Variants in C1GALT1 observed in about 807,000 individuals in gnomAD.
C1GALT1 encodes core 1 synthase, glycoprotein-N-acetylgalactosamine 3-beta-galactosyltransferase 1, also known as glycoprotein-N-acetylgalactosamine 3-beta-galactosyltransferase 1.
A neutral mutation model predicts 31.0 loss-of-function variants in C1GALT1; 11 were observed. That is an observed-to-expected ratio of 0.36 (90% CI 0.22 to 0.59). The LOEUF (loss-of-function observed/expected upper bound fraction) is 0.59, where lower values mean the gene tolerates loss of function less well. Ranked by LOEUF, C1GALT1 falls within the 20% of genes least tolerant of loss-of-function variation. The probability of loss-of-function intolerance (pLI) is 0.79; values close to 1 mark genes in which losing one functional copy is unlikely to be tolerated. For missense variants in C1GALT1, 424 were observed against 425.2 expected, an observed-to-expected ratio of 1.00 and a Z score of 0.03; for synonymous variants, 175 against 143.6, an observed-to-expected ratio of 1.22 and a Z score of -1.56.
At chr7:7,176,498 C>T (rs923647796) in intron 2 of C1GALT1, among the ~76,000 whole-genome samples, 1 of 152,134 alleles carries the variant, frequency 6.6e-6, no homozygotes, top group Non-Finnish European at 1.5e-5. Flanking sequence ...GATTCTTATT[C>T]CAGGGAACTA....
chr7:7,240,588 A>G lies in C1GALT1; in HGVS notation c.888+1666A>G, dbSNP rs186137006. Among the ~76,000 whole-genome samples, 208 of 152,334 alleles carry G rather than the reference A, an allele frequency of 1.4e-3. 1 individual carries two copies. The highest frequency in any genetic ancestry group is 3.5e-3 in the African/African-American group (146 of 41,584). On this transcript the variant is annotated intron_variant, in intron 3 of 3. Coordinates refer to ENST00000436587, the MANE Select transcript of C1GALT1 (RefSeq NM_020156.5). ...ATGTAGCAAATACATCCAAATGCAT[A>G]TAAGATCTTACTAAGAGTATCTGAT... is the stretch of plus-strand genomic sequence containing the variant.
At chr7:7,196,483 T>C (rs895794463) in intron 1 of C1GALT1, among the ~76,000 whole-genome samples, 25 of 152,202 alleles carry the variant, frequency 1.6e-4, no homozygotes, top group Non-Finnish European at 3.4e-4. Flanking sequence ...TTTGGGTTGG[T>C]TCCAAGTCTT....
At chr7:7,189,805 A>G (rs548897812) in intron 1 of C1GALT1, among the ~76,000 whole-genome samples, 1 of 152,128 alleles carries the variant, frequency 6.6e-6, no homozygotes, top group Non-Finnish European at 1.5e-5. Flanking sequence ...TTTTGTTTTA[A>G]TTCCATTTTC....
intron 1 of C1GALT1, among the ~76,000 whole-genome samples, chr7:7,188,058 T>C (rs1318638813): frequency 6.6e-6 from 1 of 152,102 alleles, no homozygotes; most frequent in Non-Finnish European, 1.5e-5. Flanking sequence ...AGGTTAGATA[T>C]TGTAATAGCC....
At chr7:7,202,713 TA>T (rs1318986912) in intron 1 of C1GALT1, among the ~76,000 whole-genome samples, 2 of 152,206 alleles carry the variant, frequency 1.3e-5, no homozygotes, top group African/African-American at 4.8e-5. Context: ...CAGGGTCCCT[TA>T]ATATTCCATA....
chr7:7,182,450 AATCCCCGCTTCCTCACGTCGCCGT>A (rs1661347596), upstream of C1GALT1: 1 of 152,206 alleles, frequency 6.6e-6, no homozygotes, highest in East Asian at 1.9e-4. Context: ...CCCGGCAGCC[AATCCCCGCTTCCTCACGTCGCCGT>A]ATCCCCGCCC....
intron 1 of C1GALT1, among the ~76,000 whole-genome samples, chr7:7,225,378 C>G (rs1353565843): frequency 6.6e-6 from 1 of 152,084 alleles, no homozygotes; most frequent in African/African-American, 2.4e-5. Context: ...TTGCTTTTCC[C>G]AGTATATAGC....
At chr7:7,169,430 C>T (rs1298120151) in intron 2 of C1GALT1, among the ~76,000 whole-genome samples, 3 of 152,182 alleles carry the variant, frequency 2.0e-5, no homozygotes, top group African/African-American at 7.2e-5. Context: ...GAAAAACTGC[C>T]ATGCTGGTTT....
intron 1 of C1GALT1, among the ~76,000 whole-genome samples, chr7:7,232,854 C>T (rs73045769): frequency 0.072 from 11,025 of 152,118 alleles, 586 homozygotes; most frequent in East Asian, 0.17. Flanking sequence ...TTGTGTCAGC[C>T]TATATGAATT....
intron 3 of C1GALT1, among the ~76,000 whole-genome samples, chr7:7,242,453 T>A (rs1290634430): frequency 6.6e-6 from 1 of 152,086 alleles, no homozygotes; most frequent in Non-Finnish European, 1.5e-5. Context: ...TGATAATTTT[T>A]ACACACTGTA....
intron 1 of C1GALT1, chr7:7,183,655 G>A: frequency 1.1e-6 from 1 of 942,394 alleles, no homozygotes; most frequent in Non-Finnish European, 1.3e-6. Context: ...TTCTTTCCTG[G>A]TCCTTACCGT....
At chr7:7,232,038 C>G (rs771049502) in intron 1 of C1GALT1, among the ~76,000 whole-genome samples, 4 of 152,136 alleles carry the variant, frequency 2.6e-5, no homozygotes, top group Admixed American at 6.5e-5. Flanking sequence ...AGACTTTGGA[C>G]ATTAATTTTT....
rs561836706 is a variant in C1GALT1, at chr7:7,239,048, TAG to T, written c.888+129_888+130del. On this transcript the variant is annotated intron_variant, in intron 3 of 3. Coordinates refer to ENST00000436587, the MANE Select transcript of C1GALT1 (RefSeq NM_020156.5). ...AGGACTCTTCCTTAGTCTTTTTAAA[TAG>T]AGTGGCAGTATAACAAAATAGATGA... The T allele has an allele frequency of 3.2e-4, 244 of 761,208 alleles. No homozygotes were observed. The African/African-American group carries it at 3.9e-3, about 12-fold the overall frequency. The allele number at this position is 761,208 out of a possible 1,614,324, so 47.2% of individuals were successfully genotyped here.
At chr7:7,220,802 G>A (rs578144014) in intron 1 of C1GALT1, among the ~76,000 whole-genome samples, 138 of 152,264 alleles carry the variant, frequency 9.1e-4, no homozygotes, top group African/African-American at 3.2e-3. Flanking sequence ...TTACAGGTGC[G>A]CCCAGCCCAA....
chr7:7,213,144 A>G (rs13246962), intron 1 of C1GALT1, among the ~76,000 whole-genome samples: 24,230 of 152,196 alleles, frequency 0.16, 2,185 homozygotes, highest in Middle Eastern at 0.29. Context: ...TAGGAGTCCC[A>G]TATCTTCTTT....
intron 1 of C1GALT1, among the ~76,000 whole-genome samples, chr7:7,205,443 G>A (rs1781699140): frequency 6.6e-6 from 1 of 151,738 alleles, no homozygotes; most frequent in African/African-American, 2.4e-5. Flanking sequence ...TTTATTTACA[G>A]TTCATTAAGT....
chr7:7,194,856 C>G (rs1364300996), intron 1 of C1GALT1, among the ~76,000 whole-genome samples: 2 of 151,868 alleles, frequency 1.3e-5, no homozygotes, highest in Non-Finnish European at 2.9e-5. Flanking sequence ...TTGCTGCTTG[C>G]TGTTGGTCTG....
rs1780640493 is a variant in C1GALT1, at chr7:7,182,785, CCAGGAGGGGCGAGAGGGAGCCGCAGCT to C, written c.-52_-26del. On this transcript the variant is annotated 5_prime_UTR_variant, in exon 1 of 4. Coordinates refer to ENST00000436587, the MANE Select transcript of C1GALT1 (RefSeq NM_020156.5). Reference sequence around the variant, plus strand: ...CCCAAGTCGTCCCCCTCTCCGCCCCCCAGGAGGGGCGAGAGGGAGCCGCAGCTGATGTCAGGTATGGCCGGCGGAGGC... The same window carrying C: ...CCCAAGTCGTCCCCCTCTCCGCCCCCGATGTCAGGTATGGCCGGCGGAGGC... 1 of 985,414 alleles carries C rather than the reference CCAGGAGGGGCGAGAGGGAGCCGCAGCT, an allele frequency of 1.0e-6. No homozygotes were observed. Among genetic ancestry groups the C allele is most frequent in the South Asian group, 4.7e-5 (1 of 21,282 alleles). The allele number at this position is 985,414 out of a possible 1,614,324, so 61.0% of individuals were successfully genotyped here. A position where few individuals can be genotyped will look rare whatever the true frequency, so the allele number is the denominator to read the frequency against.
chr7:7,215,911 C>T (rs2128240438), intron 1 of C1GALT1, among the ~76,000 whole-genome samples: 1 of 152,160 alleles, frequency 6.6e-6, no homozygotes, highest in East Asian at 1.9e-4. Flanking sequence ...TGCCTAAGGT[C>T]CTGCAATGAG....
Sources: allele counts gnomAD v4.1 joint callset (sites outside exome capture counted in the v4.1 genomes callset), GRCh38; gene constraint gnomAD v4.1.1; transcripts MANE v1.5; gene names NCBI Gene and HGNC (gene_info 2026-07-23, HGNC 2026-07-21).